Variants in CYP2E1 observed in about 807,000 individuals in gnomAD.
CYP2E1 encodes the protein cytochrome P450 2E1.
Under a neutral mutation model 42.9 loss-of-function variants are expected in CYP2E1, and 31 were observed. The ratio of observed to expected loss-of-function variants is 0.72; its 90% confidence interval spans 0.54 to 0.98. The LOEUF is 0.98. Among genes scored for constraint, CYP2E1 ranks in the 50% least tolerant of loss-of-function variants. The pLI, the probability that CYP2E1 is intolerant of heterozygous loss-of-function variation, is 0.00. For synonymous variants in CYP2E1, 244 were observed against 248.9 expected (o/e 0.98, Z 0.19); for missense variants, 565 against 633.2 (o/e 0.89, Z 1.16).
At chr10:133,535,225 T>G (rs1260312385) in intron 6 of CYP2E1, among the ~76,000 whole-genome samples, 2 of 151,970 alleles carry the variant, frequency 1.3e-5, no homozygotes, top group African/African-American at 4.8e-5. Flanking sequence ...TCACAGCTAC[T>G]CAGGAGGCTG....
At chr10:133,537,553 A>C in intron 7 of CYP2E1, 198 bp from the exon 8 acceptor site, 1 of 606,106 alleles carries the variant, frequency 1.6e-6, no homozygotes, top group Non-Finnish European at 2.9e-6. Context: ...TCCTGTGAGA[A>C]GATTAGGGCT....
Position 133,528,636 on chromosome 10 carries a change from C to G in CYP2E1, c.333C>G (p.Asp111Glu). The G allele has an allele frequency of 6.2e-7, 1 of 1,613,108 alleles. No homozygotes were observed. Among genetic ancestry groups the G allele is most frequent in the Non-Finnish European group, 8.5e-7 (1 of 1,179,940 alleles). The change falls in exon 2 of 9, where the codon GAC becomes GAG. Residue 111 changes from aspartate (D) to glutamate (E), a missense_variant. Transcript: ENST00000252945. Reference sequence around the variant, plus strand: ...TCCCCGCGTTCCATGCGCACAGGGACAGGGGTGAGTCCGCGTCCCTGGCAC... The same window carrying G: ...TCCCCGCGTTCCATGCGCACAGGGAGAGGGGTGAGTCCGCGTCCCTGGCAC... ...GDLPAFHAHR[D>E]RGIIFNNGPT... is the part of the protein sequence containing the mutation.
intron 6 of CYP2E1, among the ~76,000 whole-genome samples, chr10:133,535,570 G>A (rs778255885): frequency 1.3e-5 from 2 of 152,162 alleles, no homozygotes; most frequent in Admixed American, 6.5e-5. Flanking sequence ...GAGAACTTTC[G>A]ACTACTCTGC....
chr10:133,530,766 G>A (rs937400742), intron 2 of CYP2E1, among the ~76,000 whole-genome samples: 6 of 152,188 alleles, frequency 3.9e-5, no homozygotes, highest in African/African-American at 1.4e-4. Flanking sequence ...AGAGGGGCTA[G>A]GGGCCCCTGC....
Position 133,532,881 on chromosome 10 carries a change from C to T in CYP2E1, c.825+13C>T, listed in dbSNP as rs750271577. Reference sequence around the variant, plus strand: ...GGAAATGGAGAAGGTAGGCTCGGCCCTCCCATGATGTGGGCTCTCCGGGGT... The same window carrying T: ...GGAAATGGAGAAGGTAGGCTCGGCCTTCCCATGATGTGGGCTCTCCGGGGT... On this transcript the variant is annotated intron_variant, in intron 5 of 8. Coordinates refer to ENST00000252945, the MANE Select transcript of CYP2E1 (RefSeq NM_000773.4). 6.3e-7 allele frequency: 1 copy of T among 1,593,404 alleles called. No individual in the cohort carries two copies. The highest frequency in any genetic ancestry group is 1.4e-5 in the African/African-American group (1 of 73,854).
At chr10:133,528,197 GA>G in intron 1 of CYP2E1, 1 of 341,454 alleles carries the variant, frequency 2.9e-6, no homozygotes, top group Non-Finnish European at 5.4e-6. Context: ...GCGCCTGAGG[GA>G]AGGGACGTGA....
rs756920666 is a variant in CYP2E1 at position 133,528,615 on chromosome 10, C to T, written c.312C>T (p.Pro104=). 2 of 1,613,344 alleles carry T rather than the reference C, an allele frequency of 1.2e-6. No individual in the cohort carries two copies. Among genetic ancestry groups the T allele is most frequent in the South Asian group, 1.1e-5 (1 of 91,082 alleles). Residue 104 remains proline, a synonymous_variant, in exon 2 of 9, where the codon CCC becomes CCT. Coordinates refer to ENST00000252945, the MANE Select transcript of CYP2E1 (RefSeq NM_000773.4). ...KDEFSGRGDL[P]AFHAHRDRGI... Reference sequence around the variant, plus strand: ...AGTTCTCGGGCAGAGGCGACCTCCCCGCGTTCCATGCGCACAGGGACAGGG... The same window carrying T: ...AGTTCTCGGGCAGAGGCGACCTCCCTGCGTTCCATGCGCACAGGGACAGGG...
At chr10:133,534,869 T>C (rs1589955820) in intron 6 of CYP2E1, among the ~76,000 whole-genome samples, 1 of 5,560 alleles carries the variant, frequency 1.8e-4, no homozygotes, top group Non-Finnish European at 1.4e-3. Context: ...TATTTATTTA[T>C]TTTTTTTTTT....
rs756879881 is a variant in CYP2E1 at position 133,532,779 on chromosome 10, G to T, written c.736G>T (p.Val246Leu). ...AAATGTGGCTGAAGTAAAAGAGTAT[G>T]TGTCTGAAAGGGTGAAGGAGCACCA... ...IKNVAEVKEY[V>L]SERVKEHHQS... The change falls in exon 5 of 9, where the codon GTG (valine) becomes TTG (leucine). Residue 246 changes from valine to leucine, a missense_variant. By Grantham distance (32) the Val-to-Leu change is conservative. Coordinates refer to ENST00000252945, the MANE Select transcript of CYP2E1 (RefSeq NM_000773.4). The T allele has an allele frequency of 6.2e-7, 1 of 1,613,592 alleles. No individual in the cohort carries two copies. Among genetic ancestry groups the T allele is most frequent in the Non-Finnish European group, 8.5e-7 (1 of 1,179,856 alleles).
chr10:133,534,227 C>G (rs1358884125), intron 6 of CYP2E1, among the ~76,000 whole-genome samples: 1 of 152,116 alleles, frequency 6.6e-6, no homozygotes, highest in African/African-American at 2.4e-5. Flanking sequence ...TGTCCCAGTT[C>G]CCCCCAAGTA....
chr10:133,528,035 A>G (rs1488255305), intron 1 of CYP2E1: 3 of 223,756 alleles, frequency 1.3e-5, no homozygotes, highest in Middle Eastern at 3.3e-3. Context: ...GTCAGCACGG[A>G]GCAGGCGCTG....
At chr10:133,537,276 A>G in intron 7 of CYP2E1, 26 bp downstream of exon 7, 1 of 1,607,836 alleles carries the variant, frequency 6.2e-7, no homozygotes, top group Non-Finnish European at 8.5e-7. Context: ...TGCAGCACAC[A>G]GCATGAACAC....
intron 8 of CYP2E1, among the ~76,000 whole-genome samples, chr10:133,538,471 T>A (rs1334360273): frequency 6.6e-6 from 1 of 152,190 alleles, no homozygotes; most frequent in Non-Finnish European, 1.5e-5. Flanking sequence ...TAGGCATCAC[T>A]GATGAGCACT....
At chr10:133,537,279 A>G in intron 7 of CYP2E1, 29 bp downstream of exon 7, 2 of 1,603,186 alleles carry the variant, frequency 1.2e-6, no homozygotes, top group Non-Finnish European at 1.7e-6. Context: ...AGCACACAGC[A>G]TGAACACCAT....
intron 8 of CYP2E1, 51 bp from the exon 9 acceptor site, chr10:133,538,729 C>T (rs369148043): frequency 2.6e-5 from 39 of 1,517,928 alleles, no homozygotes; most frequent in Non-Finnish European, 3.3e-5. Flanking sequence ...TTAACAGTGT[C>T]GTGTCTCTGA....
chr10:133,535,050 A>G (rs1321069121), intron 6 of CYP2E1, among the ~76,000 whole-genome samples: 1 of 151,876 alleles, frequency 6.6e-6, no homozygotes, highest in East Asian at 1.9e-4. Flanking sequence ...TAAAAAAATT[A>G]TTTTGGCTGG....
At position 133,528,627 on chromosome 10, in the gene CYP2E1, G is replaced by T; in HGVS notation, c.324G>T (p.Ala108=). 6.2e-7 allele frequency: 1 copy of T among 1,613,250 alleles called. No individual in the cohort carries two copies. Among genetic ancestry groups the T allele is most frequent in the Non-Finnish European group, 8.5e-7 (1 of 1,179,978 alleles). The part of the protein sequence containing the change: ...SGRGDLPAFH[A]HRDRGIIFNN... ...GAGGCGACCTCCCCGCGTTCCATGCGCACAGGGACAGGGGTGAGTCCGCGT... is the reference window on the plus strand; with the variant it reads ...GAGGCGACCTCCCCGCGTTCCATGCTCACAGGGACAGGGGTGAGTCCGCGT... Residue 108 remains alanine (A), a synonymous_variant, in exon 2 of 9, where the codon GCG becomes GCT. Coordinates refer to ENST00000252945, the MANE Select transcript of CYP2E1 (RefSeq NM_000773.4).
In CYP2E1 at chr10:133,528,492, C is replaced by T. The variant is rs1554902257; in HGVS notation, c.189C>T (p.Arg63=). 1.9e-6 allele frequency: 3 copies of T among 1,613,112 alleles called. No homozygotes were observed. The highest frequency in any genetic ancestry group is 2.5e-6 in the Non-Finnish European group (3 of 1,179,902). ...ACGGGTCTCCGCAGTTGGCCCAGCG[C>T]TTCGGGCCGGTGTTCACGCTGTACG... ...IPKSFTRLAQ[R]FGPVFTLYVG... Residue 63 remains arginine (R), a synonymous_variant, in exon 2 of 9, where the codon CGC becomes CGT. Transcript: ENST00000252945.
rs768448978 is a variant in CYP2E1, at chr10:133,537,201, C to T, written c.1106C>T (p.Pro369Leu). The change falls in exon 7 of 9, where the codon CCC (proline) becomes CTC (leucine). Residue 369 changes from proline to leucine, a missense_variant. By Grantham distance (98) the Pro-to-Leu change is moderately conservative (BLOSUM62 -3). Transcript: ENST00000252945. ...ATCACCCTCGTGCCCTCCAACCTGC[C>T]CCATGAAGCAACCCGAGACACCATT... ...RFITLVPSNLPHEATRDTIFR... is the reference protein window; with the variant it reads ...RFITLVPSNLLHEATRDTIFR... The T allele has an allele frequency of 1.2e-6, 2 of 1,614,064 alleles. No homozygotes were observed. Among genetic ancestry groups the T allele is most frequent in the Non-Finnish European group, 1.7e-6 (2 of 1,179,980 alleles).
Sources: gnomAD v4.1 joint callset for allele counts (sites outside exome capture counted in the v4.1 genomes callset) on GRCh38, gnomAD v4.1.1 for gene constraint, MANE v1.5 for transcripts, NCBI Gene and HGNC (gene_info 2026-07-23, HGNC 2026-07-21) for gene names.